The following RBM20 variants were observed in gnomAD, a reference collection of about 807,000 sequenced individuals.
The protein encoded by RBM20 is RNA-binding protein 20.
A neutral mutation model predicts 110.1 loss-of-function variants in RBM20; 51 were observed. That is an observed-to-expected ratio of 0.46 (90% confidence interval 0.37 to 0.59). The LOEUF (loss-of-function observed/expected upper bound fraction) is 0.59, where lower values mean the gene tolerates loss of function less well. Among genes scored for constraint, RBM20 ranks in the 20% least tolerant of loss-of-function variants. The pLI is 0.00. For missense variants in RBM20, 1,512 were observed against 1,574.9 expected (o/e 0.96, Z 0.68); for synonymous variants, 589 against 618.2 (o/e 0.95, Z 0.70).
At chr10:110,794,498 G>T (rs1433580758) in intron 5 of RBM20, among the ~76,000 whole-genome samples, 1 of 152,194 alleles carries the variant, frequency 6.6e-6, no homozygotes, top group East Asian at 1.9e-4. Context: ...TGAAGTAAAT[G>T]GTTTAACTGA....
At position 110,784,327 on chromosome 10, in the gene RBM20, C is replaced by G; in HGVS notation, c.1338-14C>G. On this transcript the variant is annotated splice_polypyrimidine_tract_variant and intron_variant, in intron 3 of 13. Transcript: ENST00000369519. ...CTTATTAAGGAGCCGGTTTCCCTTT[C>G]TCGCCCTCTCCAGTGCTGGCATCCG... 6.5e-7 allele frequency: 1 copy of G among 1,542,098 alleles called. No individual in the cohort carries two copies. The highest frequency in any genetic ancestry group is 8.8e-7 in the Non-Finnish European group (1 of 1,139,002).
At chr10:110,680,608 A>G (rs1350224114) in intron 1 of RBM20, among the ~76,000 whole-genome samples, 1 of 152,238 alleles carries the variant, frequency 6.6e-6, no homozygotes, top group Non-Finnish European at 1.5e-5. Flanking sequence ...GGACTGACAC[A>G]TACGGCTAAC....
intron 1 of RBM20, among the ~76,000 whole-genome samples, chr10:110,655,335 C>T (rs1390534216): frequency 7.8e-6 from 1 of 127,654 alleles, no homozygotes; most frequent in African/African-American, 3.0e-5. Context: ...AAATCTATAT[C>T]CCAATTTAAA....
At chr10:110,680,635 G>A (rs1437417351) in intron 1 of RBM20, among the ~76,000 whole-genome samples, 1 of 152,210 alleles carries the variant, frequency 6.6e-6, no homozygotes, top group Non-Finnish European at 1.5e-5. Context: ...GGGCTGTGGT[G>A]CGCTGTCACG....
At chr10:110,686,184 G>A (rs1475581171) in intron 1 of RBM20, among the ~76,000 whole-genome samples, 3 of 152,154 alleles carry the variant, frequency 2.0e-5, no homozygotes, top group Non-Finnish European at 2.9e-5. Flanking sequence ...ATGTCGTCAT[G>A]ACTCTTTAAA....
intron 1 of RBM20, among the ~76,000 whole-genome samples, chr10:110,761,938 GGCT>G (rs1392832826): frequency 6.6e-6 from 1 of 152,224 alleles, no homozygotes; most frequent in Non-Finnish European, 1.5e-5. Context: ...ATGGCATAGT[GGCT>G]CATGCCTGTA....
chr10:110,813,326 T>C (rs118103879), intron 9 of RBM20, among the ~76,000 whole-genome samples: 34 of 152,324 alleles, frequency 2.2e-4, no homozygotes, highest in Non-Finnish European at 5.0e-4. Flanking sequence ...AGGCCTGTAG[T>C]CCTGTTCGTC....
chr10:110,781,359 C>T lies in RBM20; in HGVS notation c.750C>T (p.Phe250=), dbSNP rs1252366336. 6 of 1,551,722 alleles carry T rather than the reference C, an allele frequency of 3.9e-6. No individual in the cohort carries two copies. Among genetic ancestry groups the T allele is most frequent in the East Asian group, 2.4e-5 (1 of 40,928 alleles). Residue 250 remains phenylalanine (F), a synonymous_variant, in exon 2 of 14, where the codon TTC becomes TTT. Coordinates refer to ENST00000369519, the MANE Select transcript of RBM20 (RefSeq NM_001134363.3). ...YGPETDGQPG[F]LPSSASTSGS... ...CTGAAACAGATGGTCAGCCTGGCTTCCTGCCATCCTCGGCCTCAACCTCGG... is the reference window on the plus strand; with the variant it reads ...CTGAAACAGATGGTCAGCCTGGCTTTCTGCCATCCTCGGCCTCAACCTCGG...
intron 7 of RBM20, among the ~76,000 whole-genome samples, chr10:110,803,870 C>T (rs924057336): frequency 2.0e-5 from 3 of 146,610 alleles, no homozygotes; most frequent in Non-Finnish European, 4.5e-5. Context: ...ATGAAACGTC[C>T]AGGAGTAGAT....
intron 1 of RBM20, among the ~76,000 whole-genome samples, chr10:110,666,385 G>A (rs545570456): frequency 1.3e-5 from 2 of 152,324 alleles, no homozygotes; most frequent in African/African-American, 4.8e-5. Flanking sequence ...GCTCATGCCT[G>A]TAATCTCAGC....
chr10:110,786,593 C>T (rs1205713993), intron 5 of RBM20, among the ~76,000 whole-genome samples: 1 of 152,248 alleles, frequency 6.6e-6, no homozygotes, highest in Non-Finnish European at 1.5e-5. Context: ...CCTCTCTGCA[C>T]TCTGCTCGCT....
At chr10:110,743,438 GT>G (rs1220697971) in intron 1 of RBM20, among the ~76,000 whole-genome samples, 2 of 152,070 alleles carry the variant, frequency 1.3e-5, no homozygotes, top group Non-Finnish European at 2.9e-5. Flanking sequence ...GTGATAAATA[GT>G]TACACTTTTT....
At chr10:110,797,983 CT>C (rs748911108) in intron 6 of RBM20, among the ~76,000 whole-genome samples, 3 of 152,186 alleles carry the variant, frequency 2.0e-5, no homozygotes, top group Non-Finnish European at 4.4e-5. Context: ...GTCAACCCCC[CT>C]GAGCTAATTA....
At chr10:110,673,777 G>C (rs1179747228) in intron 1 of RBM20, among the ~76,000 whole-genome samples, 1 of 152,202 alleles carries the variant, frequency 6.6e-6, no homozygotes, top group African/African-American at 2.4e-5. Context: ...GAGGAATGAG[G>C]TTTACTTGTG....
chr10:110,653,240 T>G (rs1348785668), intron 1 of RBM20, among the ~76,000 whole-genome samples: 3 of 152,202 alleles, frequency 2.0e-5, no homozygotes, highest in Non-Finnish European at 4.4e-5. Context: ...GGAATGCCCA[T>G]TATTATTTCT....
At chr10:110,798,701 A>G (rs1844582662) in intron 6 of RBM20, among the ~76,000 whole-genome samples, 1 of 152,244 alleles carries the variant, frequency 6.6e-6, no homozygotes, top group South Asian at 2.1e-4. Flanking sequence ...TCTGAAATTC[A>G]GAAATAAATA....
At chr10:110,734,470 T>C (rs1843649757) in intron 1 of RBM20, among the ~76,000 whole-genome samples, 2 of 152,228 alleles carry the variant, frequency 1.3e-5, no homozygotes, top group Admixed American at 1.3e-4. Flanking sequence ...TCACTGGAAA[T>C]GATTCCCTCT....
intron 1 of RBM20, among the ~76,000 whole-genome samples, chr10:110,751,289 A>G (rs561662626): frequency 6.6e-6 from 1 of 152,344 alleles, no homozygotes; most frequent in South Asian, 2.1e-4. Flanking sequence ...TCTTTACCAC[A>G]GGAATGAATT....
rs17127876 is a variant in RBM20, at chr10:110,731,086, A to G, written c.192-49715A>G. Among the ~76,000 whole-genome samples the G allele has an allele frequency of 9.0e-3, 1,366 of 152,310 alleles. 53 individuals carry two copies. The highest frequency in any genetic ancestry group is 0.06 in the Admixed American group (926 of 15,306). ...TCACTGGCCATAGTGAGTTTGAGGTATGAAACTGTTTTGTTTTATTTTTTC... is the reference window on the plus strand; with the variant it reads ...TCACTGGCCATAGTGAGTTTGAGGTGTGAAACTGTTTTGTTTTATTTTTTC... On this transcript the variant is annotated intron_variant, in intron 1 of 13. Coordinates refer to ENST00000369519, the MANE Select transcript of RBM20 (RefSeq NM_001134363.3).
Sources: allele counts gnomAD v4.1 joint callset (sites outside exome capture counted in the v4.1 genomes callset), GRCh38; gene constraint gnomAD v4.1.1; transcripts MANE v1.5; gene names NCBI Gene and HGNC (gene_info 2026-07-23, HGNC 2026-07-21).